FGD6: variants seen among roughly 807,000 people sequenced by gnomAD.
FGD6 encodes the protein FYVE, RhoGEF and PH domain containing 6, also known as FYVE, RhoGEF and PH domain-containing protein 6.
FGD6 carries 90 observed loss-of-function variants against 149.4 expected under a neutral mutation model. The observed-to-expected ratio is 0.60, with a 90% CI of 0.51 to 0.72. The LOEUF is 0.72. FGD6 is among the 30% of genes least tolerant of loss of function. The pLI, the probability that FGD6 is intolerant of heterozygous loss-of-function variation, is 0.00. For missense variants in FGD6, 1,437 were observed against 1,684.8 expected (o/e 0.85, Z 2.57); for synonymous variants, 527 against 584.0 (o/e 0.90, Z 1.41).
At chr12:95,185,855 C>T (rs1384071156) in intron 2 of FGD6, among the ~76,000 whole-genome samples, 1 of 152,044 alleles carries the variant, frequency 6.6e-6, no homozygotes, top group African/African-American at 2.4e-5. Context: ...CGCAAGACTC[C>T]ATCTCAAAAA....
At chr12:95,109,105 T>C (rs1428965994) in intron 9 of FGD6, among the ~76,000 whole-genome samples, 1 of 152,216 alleles carries the variant, frequency 6.6e-6, no homozygotes, top group Non-Finnish European at 1.5e-5. Context: ...ATCCCAGATC[T>C]TAGGAATTTG....
chr12:95,160,558 C>T (rs1336975215), intron 3 of FGD6, among the ~76,000 whole-genome samples: 3 of 152,158 alleles, frequency 2.0e-5, no homozygotes, highest in African/African-American at 7.2e-5. Flanking sequence ...GATGGCCCAA[C>T]CCCCATGCCC....
intron 14 of FGD6, among the ~76,000 whole-genome samples, chr12:95,101,677 C>CCTTCT (rs1878437263): frequency 1.2e-5 from 1 of 86,650 alleles, no homozygotes; most frequent in Non-Finnish European, 2.2e-5. Flanking sequence ...GTTCTTTGAA[C>CCTTCT]TTTCTTTTTT....
At chr12:95,117,042 C>T (rs1264684819) in intron 8 of FGD6, 2 of 353,432 alleles carry the variant, frequency 5.7e-6, no homozygotes, top group Non-Finnish European at 1.1e-5. Flanking sequence ...TAGTGAACCA[C>T]CTATTACCTA....
intron 2 of FGD6, among the ~76,000 whole-genome samples, chr12:95,181,044 A>G (rs1269473569): frequency 6.6e-6 from 1 of 152,192 alleles, no homozygotes; most frequent in East Asian, 1.9e-4. Context: ...TTGTTAAGAT[A>G]TATAAATTAC....
chr12:95,185,706 C>A (rs1881410288), intron 2 of FGD6, among the ~76,000 whole-genome samples: 1 of 152,056 alleles, frequency 6.6e-6, no homozygotes, highest in African/African-American at 2.4e-5. Flanking sequence ...TCTAAAAATA[C>A]AAAAATTAGC....
intron 2 of FGD6, among the ~76,000 whole-genome samples, chr12:95,204,075 T>C (rs2056679958): frequency 6.6e-6 from 1 of 152,178 alleles, no homozygotes; most frequent in Non-Finnish European, 1.5e-5. Context: ...ATCTGAAACA[T>C]TTCAAGGAAG....
chr12:95,126,276 G>T, intron 8 of FGD6: 2 of 1,383,344 alleles, frequency 1.4e-6, no homozygotes, highest in Admixed American at 1.8e-5. Context: ...AGCCCAGAAG[G>T]TTCCTGCCCA....
chr12:95,192,878 G>A (rs1458211430), intron 2 of FGD6, among the ~76,000 whole-genome samples: 1 of 152,184 alleles, frequency 6.6e-6, no homozygotes, highest in Non-Finnish European at 1.5e-5. Context: ...AATGTAGAAT[G>A]TGGTCAATTT....
intron 2 of FGD6, among the ~76,000 whole-genome samples, chr12:95,179,515 A>G (rs1881220350): frequency 6.6e-6 from 1 of 152,128 alleles, no homozygotes; most frequent in South Asian, 2.1e-4. Flanking sequence ...AAATAAATAA[A>G]TAAGACCAAA....
At chr12:95,160,084 C>T (rs1880591794) in intron 3 of FGD6, among the ~76,000 whole-genome samples, 2 of 151,806 alleles carry the variant, frequency 1.3e-5, no homozygotes, top group South Asian at 4.2e-4. Context: ...GTGGCTCACG[C>T]TTGTAACCCT....
At chr12:95,199,686 CCT>C (rs1409097141) in intron 2 of FGD6, among the ~76,000 whole-genome samples, 1 of 149,348 alleles carries the variant, frequency 6.7e-6, no homozygotes. Context: ...CTCACTGCAG[CCT>C]CTGTTTCCCA....
At chr12:95,087,927 GAAA>G (rs948367135) in intron 18 of FGD6, among the ~76,000 whole-genome samples, 1 of 151,076 alleles carries the variant, frequency 6.6e-6, no homozygotes, top group African/African-American at 2.4e-5. Flanking sequence ...CTATCTCAGT[GAAA>G]AAAAAGAGGA....
chr12:95,099,745 C>T (rs865936966), intron 14 of FGD6, among the ~76,000 whole-genome samples: 2 of 152,024 alleles, frequency 1.3e-5, no homozygotes, highest in Non-Finnish European at 1.5e-5. Context: ...ACAAAGAAGC[C>T]GGTGTGATCT....
chr12:95,145,425 C>G (rs549807222), intron 5 of FGD6, among the ~76,000 whole-genome samples: 1 of 152,074 alleles, frequency 6.6e-6, no homozygotes, highest in Non-Finnish European at 1.5e-5. Context: ...TTATATTGTT[C>G]GGGTTCTTCA....
intron 3 of FGD6, among the ~76,000 whole-genome samples, chr12:95,160,514 C>A (rs1880607669): frequency 6.6e-6 from 1 of 152,106 alleles, no homozygotes; most frequent in African/African-American, 2.4e-5. Flanking sequence ...CAAAATTTAT[C>A]AGGCCCAGAG....
chr12:95,154,882 C>A (rs1880422168), intron 3 of FGD6, among the ~76,000 whole-genome samples: 1 of 152,162 alleles, frequency 6.6e-6, no homozygotes, highest in Non-Finnish European at 1.5e-5. Context: ...AGATCTGTTT[C>A]CCTGAGACTC....
chr12:95,216,727 CAG>C (rs984363090), intron 1 of FGD6, among the ~76,000 whole-genome samples: 77 of 137,530 alleles, frequency 5.6e-4, no homozygotes, highest in Non-Finnish European at 9.4e-4. Flanking sequence ...TCTCAGGTAA[CAG>C]AGGTAAAACC....
chr12:95,103,856 CAA>C (rs932281585), intron 14 of FGD6, among the ~76,000 whole-genome samples: 1 of 152,134 alleles, frequency 6.6e-6, no homozygotes, highest in African/African-American at 2.4e-5. Flanking sequence ...GACTTAAAAG[CAA>C]AAGACTTCGA....
Sources: allele counts gnomAD v4.1 joint callset (sites outside exome capture counted in the v4.1 genomes callset), GRCh38; gene constraint gnomAD v4.1.1; transcripts MANE v1.5; gene names NCBI Gene and HGNC (gene_info 2026-07-23, HGNC 2026-07-21).